SPSB3: variants seen among roughly 807,000 people sequenced by gnomAD.
SPSB3 encodes splA/ryanodine receptor domain and SOCS box containing 3.
Under a neutral mutation model 29.5 loss-of-function variants are expected in SPSB3, and 18 were observed. That is an observed-to-expected ratio of 0.61 (90% CI 0.42 to 0.91). The LOEUF (loss-of-function observed/expected upper bound fraction) is 0.91, where lower values mean the gene tolerates loss of function less well. Among genes scored for constraint, SPSB3 ranks in the 40% least tolerant of loss-of-function variants. The pLI, the probability that SPSB3 is intolerant of heterozygous loss-of-function variation, is 0.00. For missense variants in SPSB3, 540 were observed against 507.5 expected, an observed-to-expected ratio of 1.06 and a Z score of -0.61; for synonymous variants, 299 against 214.1, an observed-to-expected ratio of 1.40 and a Z score of -3.46.
At position 1,777,950 on chromosome 16, in the gene SPSB3, G is replaced by A. The variant is rs2042738810; in HGVS notation, c.591C>T (p.Tyr197=). The part of the protein sequence containing the change: ...GRDEDSWGLS[Y]TGLLHHKGDK... ...CCCACCCTGGGCCTCACGCACCCGT[G>A]TAGGAGAGGCCCCAGCTGTCCTCAT... Residue 197 remains tyrosine, a synonymous_variant, in exon 5 of 7, where the codon TAC becomes TAT. Coordinates refer to ENST00000566339, the MANE Select transcript of SPSB3 (RefSeq NM_080861.4). 1.2e-6 allele frequency: 2 copies of A among 1,612,568 alleles called. No homozygotes were observed.
In SPSB3 at chr16:1,777,067, C is replaced by G; in HGVS notation, c.*30G>C. On this transcript the variant is annotated 3_prime_UTR_variant, in exon 7 of 7. Transcript: ENST00000566339. ...GGACAGAGGAAAGGGGCTGTCCCAG[C>G]CCAAGAAGGCAGTTCCACTGGGAAG... is the stretch of plus-strand genomic sequence containing the variant. 1 of 1,600,322 alleles carries G rather than the reference C, an allele frequency of 6.2e-7. No individual in the cohort carries two copies. The highest frequency in any genetic ancestry group is 1.1e-5 in the South Asian group (1 of 89,758).
intron 3 of SPSB3, 37 bp from the exon 4 acceptor site, chr16:1,778,358 C>G: frequency 6.2e-7 from 1 of 1,610,578 alleles, no homozygotes; most frequent in Non-Finnish European, 8.5e-7. Context: ...GCCCTGAGAG[C>G]TCCATGGGGC....
Position 1,778,007 on chromosome 16 carries a change from G to GT in SPSB3, c.533dup (p.Tyr178Ter), listed in dbSNP as rs1275641106. 1 of 1,613,266 alleles carries GT rather than the reference G, an allele frequency of 6.2e-7. No homozygotes were observed. The highest frequency in any genetic ancestry group is 8.5e-7 in the Non-Finnish European group (1 of 1,179,998). Residue 178 changes from tyrosine to a stop codon, truncating the protein, a stop_gained and frameshift_variant, in exon 5 of 7, where the codon TAC (tyrosine) becomes TAAC (stop). Transcript: ENST00000566339. LOFTEE classifies it high-confidence loss of function. Reference sequence around the variant, plus strand: ...CCAGCAGGCTGCAGAACGTGTGGCGGTATTTGTCCAGGTCCACATCCGACG... The same window carrying GT: ...CCAGCAGGCTGCAGAACGTGTGGCGGTTATTTGTCCAGGTCCACATCCGACG... ...IGTSDVDLDK[Y>*]RHTFCSLLGR...
At chr16:1,778,098 G>A (rs768440158) in intron 4 of SPSB3, 36 bp downstream of exon 4, 2 of 1,612,952 alleles carry the variant, frequency 1.2e-6, no homozygotes, top group Non-Finnish European at 1.7e-6. Flanking sequence ...GCCGGAGCCA[G>A]GTTCCCCAGA....
At chr16:1,781,309 A>G (rs1896700533) in intron 2 of SPSB3, 49 bp downstream of exon 2, 1 of 1,612,646 alleles carries the variant, frequency 6.2e-7, no homozygotes, top group South Asian at 1.1e-5. Flanking sequence ...TGCCTAGGGC[A>G]TCTCCACACC....
intron 2 of SPSB3, chr16:1,779,419 C>T (rs980707871): frequency 1.3e-5 from 2 of 152,420 alleles, no homozygotes; most frequent in African/African-American, 4.8e-5. Context: ...GAGGGCTGGT[C>T]CAGAGAGATG....
Position 1,778,493 on chromosome 16 carries a change from A to G in SPSB3, c.246T>C (p.Cys82=). 3.1e-6 allele frequency: 5 copies of G among 1,611,978 alleles called. No homozygotes were observed. The highest frequency in any genetic ancestry group is 4.2e-6 in the Non-Finnish European group (5 of 1,179,586). ...DCAGQSEASF[C]SSLHSAHRGR... ...CCCGGTGGGCCGAGTGCAGGCTGCTACAGAAGGAGGCCTCGCTCTGCCCAG... is the reference window on the plus strand; with the variant it reads ...CCCGGTGGGCCGAGTGCAGGCTGCTGCAGAAGGAGGCCTCGCTCTGCCCAG... Residue 82 remains cysteine (C), a synonymous_variant, in exon 3 of 7, where the codon TGT becomes TGC. Transcript: ENST00000566339.
Position 1,776,840 on chromosome 16 carries a change from G to GCCAGGC in SPSB3, c.*251_*256dup, listed in dbSNP as rs980681203. 2 of 538,216 alleles carry GCCAGGC rather than the reference G, an allele frequency of 3.7e-6. No homozygotes were observed. Among genetic ancestry groups the GCCAGGC allele is most frequent in the Admixed American group, 7.0e-5 (2 of 28,718 alleles). The allele number at this position is 538,216 out of a possible 1,614,324, so 33.3% of individuals were successfully genotyped here. On this transcript the variant is annotated 3_prime_UTR_variant, in exon 7 of 7. Transcript: ENST00000566339. ...TGTGGGAACAGCAACGCGGGCTCCA[G>GCCAGGC]CCAGGCTCTCGTCCTCGCAGCCTCC...
chr16:1,777,948 G>T lies in SPSB3; in HGVS notation c.593C>A (p.Thr198Lys), dbSNP rs924607619. The change falls in exon 5 of 7, where the codon ACG (threonine) becomes AAG (lysine). Residue 198 changes from threonine to lysine, a missense_variant and splice_region_variant. Thr to Lys is a moderately conservative substitution (Grantham distance 78). Transcript: ENST00000566339. Reference sequence around the variant, plus strand: ...GCCCCACCCTGGGCCTCACGCACCCGTGTAGGAGAGGCCCCAGCTGTCCTC... The same window carrying T: ...GCCCCACCCTGGGCCTCACGCACCCTTGTAGGAGAGGCCCCAGCTGTCCTC... The part of the protein sequence containing the change: ...RDEDSWGLSY[T>K]GLLHHKGDKT... 1.2e-6 allele frequency: 2 copies of T among 1,612,520 alleles called. No homozygotes were observed. Among genetic ancestry groups the T allele is most frequent in the Non-Finnish European group, 1.7e-6 (2 of 1,179,900 alleles).
intron 6 of SPSB3, 99 bp downstream of exon 6, chr16:1,777,648 A>G (rs1266335545): frequency 3.2e-6 from 5 of 1,545,248 alleles, no homozygotes; most frequent in Non-Finnish European, 4.4e-6. Flanking sequence ...TCTGGGAGGA[A>G]CCCTTTCAGA....
In SPSB3 at chr16:1,777,499, C is replaced by T. The variant is rs532596181; in HGVS notation, c.722-56G>A. On this transcript the variant is annotated intron_variant, in intron 6 of 6. Coordinates refer to ENST00000566339, the MANE Select transcript of SPSB3 (RefSeq NM_080861.4). ...GGCAGGGAAGGGGCCAGCTACTGGGCGCAGCCCCTCAGACCTCACGCTACA... is the reference window on the plus strand; with the variant it reads ...GGCAGGGAAGGGGCCAGCTACTGGGTGCAGCCCCTCAGACCTCACGCTACA... 7.4e-5 allele frequency: 107 copies of T among 1,439,598 alleles called. No homozygotes were observed. In the African/African-American group the frequency reaches 1.2e-3, roughly 16 times the overall value. 89.2% of individuals were successfully genotyped at this position (1,439,598 alleles called of 1,614,324 possible).
In SPSB3 at chr16:1,778,065, G is replaced by A. The variant is rs1282680954; in HGVS notation, c.493-17C>T. 2 of 1,613,106 alleles carry A rather than the reference G, an allele frequency of 1.2e-6. No individual in the cohort carries two copies. The highest frequency in any genetic ancestry group is 2.2e-5 in the East Asian group (1 of 44,876). ...GCCCACCATCTAGGAACAGGGGCCA[G>A]GCAGAGGGCGCGGGGCTGGGCTGCC... On this transcript the variant is annotated splice_polypyrimidine_tract_variant and intron_variant, in intron 4 of 6. Coordinates refer to ENST00000566339, the MANE Select transcript of SPSB3 (RefSeq NM_080861.4).
At position 1,778,022 on chromosome 16, in the gene SPSB3, C is replaced by T. The variant is rs747257526; in HGVS notation, c.519G>A (p.Val173=). 6.2e-7 allele frequency: 1 copy of T among 1,613,252 alleles called. No homozygotes were observed. The highest frequency in any genetic ancestry group is 1.7e-5 in the Admixed American group (1 of 60,018). Residue 173 remains valine (V), a synonymous_variant, in exon 5 of 7, where the codon GTG becomes GTA. Coordinates refer to ENST00000566339, the MANE Select transcript of SPSB3 (RefSeq NM_080861.4). ...DMMVGIGTSD[V]DLDKYRHTFC... ...ACGTGTGGCGGTATTTGTCCAGGTC[C>T]ACATCCGACGTCCCGATGCCCACCA... is the stretch of plus-strand genomic sequence containing the variant.
In SPSB3 at chr16:1,776,952, A is replaced by C. The variant is rs952648807; in HGVS notation, c.*145T>G. The stretch of plus-strand genomic sequence containing the variant: ...GAGCCCCCACAGAAAGGACTGTCCC[A>C]GCCTCGGGAGCAAGAGATGGCTCCC... On this transcript the variant is annotated 3_prime_UTR_variant, in exon 7 of 7. Coordinates refer to ENST00000566339, the MANE Select transcript of SPSB3 (RefSeq NM_080861.4). The C allele has an allele frequency of 1.1e-6, 1 of 941,838 alleles. No homozygotes were observed. Among genetic ancestry groups the C allele is most frequent in the African/African-American group, 1.7e-5 (1 of 60,384 alleles). The allele number at this position is 941,838 out of a possible 1,614,324, so 58.3% of individuals were successfully genotyped here. A position where few individuals can be genotyped will look rare whatever the true frequency, so the allele number is the denominator to read the frequency against.
At chr16:1,778,376 TGCCCACCCCCAG>T (rs773188529) in intron 3 of SPSB3, 47 bp downstream of exon 3, 201 of 1,608,176 alleles carry the variant, frequency 1.2e-4, no homozygotes, top group Non-Finnish European at 1.6e-4. Context: ...GGCTCTGCCC[TGCCCACCCCCAG>T]GCCCGCCCGC....
In SPSB3 at chr16:1,778,314, G is replaced by A. The variant is rs759526708; in HGVS notation, c.312C>T (p.Asp104=). 5.6e-6 allele frequency: 9 copies of A among 1,612,316 alleles called. No individual in the cohort carries two copies. The South Asian group carries it at 9.9e-5, about 18-fold the overall frequency. ...CRCGEEDEYF[D]WVWDDLNKSS... ...ACTTATTTAAGTCATCCCAGACCCA[G>A]TCGAAATCTGCAAGAGAGGCCCAGG... The change falls in exon 4 of 7, where the codon GAC becomes GAT. Residue 104 remains aspartate (D), a synonymous_variant. Coordinates refer to ENST00000566339, the MANE Select transcript of SPSB3 (RefSeq NM_080861.4).
Position 1,778,045 on chromosome 16 carries a change from C to T in SPSB3, c.496G>A (p.Val166Met). The T allele has an allele frequency of 6.2e-7, 1 of 1,613,228 alleles. No homozygotes were observed. The highest frequency in any genetic ancestry group is 8.5e-7 in the Non-Finnish European group (1 of 1,179,992). ...TCCACATCCGACGTCCCGATGCCCA[C>T]CATCTAGGAACAGGGGCCAGGCAGA... Reference protein sequence around the residue: ...TSPVYGTDMMVGIGTSDVDLD... With the variant: ...TSPVYGTDMMMGIGTSDVDLD... Residue 166 changes from valine (V) to methionine (M), a missense_variant, in exon 5 of 7, where the codon GTG (valine) becomes ATG (methionine). Physicochemically the swap from Val to Met is conservative, Grantham distance 21. Transcript: ENST00000566339.
In SPSB3 at chr16:1,777,274, C is replaced by T. The variant is rs1168914527; in HGVS notation, c.891G>A (p.Glu297=). ...TGAGGCCCGGCGGCAGCGGCAGACC[C>T]TCCAGCGTGTCTCCCGAGTCTGGCC... ...QLRPDSGDTL[E]GLPLPPGLKQ... is the part of the protein sequence containing the mutation. Residue 297 remains glutamate, a synonymous_variant, in exon 7 of 7, where the codon GAG becomes GAA. Coordinates refer to ENST00000566339, the MANE Select transcript of SPSB3 (RefSeq NM_080861.4). The T allele has an allele frequency of 1.2e-6, 2 of 1,610,430 alleles. No individual in the cohort carries two copies. Among genetic ancestry groups the T allele is most frequent in the African/African-American group, 2.7e-5 (2 of 74,948 alleles).
At chr16:1,781,201 G>C in intron 2 of SPSB3, 157 bp downstream of exon 2, 1 of 1,557,698 alleles carries the variant, frequency 6.4e-7, no homozygotes, top group East Asian at 2.4e-5. Context: ...ACTGAATGCG[G>C]TGCATCCAGG....
Sources: allele counts gnomAD v4.1 joint callset, GRCh38; gene constraint gnomAD v4.1.1; transcripts MANE v1.5; gene names NCBI Gene and HGNC (gene_info 2026-07-23, HGNC 2026-07-21).